CFAP46: variants seen among roughly 807,000 people sequenced by gnomAD.
CFAP46 encodes the protein cilia and flagella associated protein 46.
Under a neutral mutation model 325.7 loss-of-function variants are expected in CFAP46, and 245 were observed. That is an observed-to-expected ratio of 0.75 (90% CI 0.68 to 0.84). CFAP46 has a LOEUF of 0.84. Among genes scored for constraint, CFAP46 ranks in the 40% least tolerant of loss-of-function variants. The pLI, the probability that CFAP46 is intolerant of heterozygous loss-of-function variation, is 0.00. For synonymous variants in CFAP46, 1,523 were observed against 1,495.9 expected (o/e 1.02, Z -0.42); for missense variants, 3,346 against 3,543.0 (o/e 0.94, Z 1.41).
intron 41 of CFAP46, among the ~76,000 whole-genome samples, chr10:132,848,452 G>C (rs116383977): frequency 0.015 from 2,241 of 151,848 alleles, 49 homozygotes; most frequent in African/African-American, 0.05. Flanking sequence ...GGGCAGCAGA[G>C]AAGCCTTCGT....
chr10:132,899,480 G>A, intron 23 of CFAP46, 55 bp downstream of exon 23: 1 of 1,493,542 alleles, frequency 6.7e-7, no homozygotes, highest in Non-Finnish European at 8.9e-7. Flanking sequence ...GAGCACAGGG[G>A]TCCCGCACGG....
intron 17 of CFAP46, among the ~76,000 whole-genome samples, chr10:132,915,709 G>A (rs141763937): frequency 8.2e-4 from 125 of 152,358 alleles, no homozygotes; most frequent in African/African-American, 2.8e-3. Context: ...TGTGCTTGAC[G>A]CAGCTGCATT....
At chr10:132,922,004 C>T (rs374271916) in intron 13 of CFAP46, 100 bp downstream of exon 13, 29 of 1,375,684 alleles carry the variant, frequency 2.1e-5, no homozygotes, top group African/African-American at 7.3e-5. Context: ...ATCCAGGGGG[C>T]GGTGGCAGGG....
At chr10:132,904,044 A>G (rs557828752) in intron 22 of CFAP46, among the ~76,000 whole-genome samples, 4 of 152,408 alleles carry the variant, frequency 2.6e-5, no homozygotes, top group Admixed American at 1.3e-4. Flanking sequence ...CATTTTTGCT[A>G]TTAGTGTAAA....
chr10:132,857,719 G>A lies in CFAP46; in HGVS notation c.5445C>T (p.Ala1815=), dbSNP rs1458420659. The A allele has an allele frequency of 6.2e-7, 1 of 1,611,640 alleles. No homozygotes were observed. Among genetic ancestry groups the A allele is most frequent in the Admixed American group, 1.7e-5 (1 of 59,718 alleles). Residue 1815 remains alanine (A), a synonymous_variant, in exon 39 of 58, where the codon GCC becomes GCT. Coordinates refer to ENST00000368586, the MANE Select transcript of CFAP46 (RefSeq NM_001200049.3). ...CTTCTTCCTCAGCTACGGCACCCTG[G>A]GCCAGGCCATACGCTTCCAAGTAAT... ...TAYYLEAYGL[A]QGAVAEEEGR...
intron 35 of CFAP46, among the ~76,000 whole-genome samples, chr10:132,862,728 C>T (rs1205598532): frequency 6.6e-6 from 1 of 150,860 alleles, no homozygotes; most frequent in African/African-American, 2.4e-5. Context: ...GAGAGCCCCG[C>T]GGAGGAGAGA....
chr10:132,875,685 C>T (rs1055221953), intron 31 of CFAP46, among the ~76,000 whole-genome samples: 4 of 152,164 alleles, frequency 2.6e-5, no homozygotes, highest in Non-Finnish European at 4.4e-5. Flanking sequence ...ATGCTTGAGG[C>T]TTGACCCCTA....
intron 44 of CFAP46, among the ~76,000 whole-genome samples, chr10:132,842,295 T>G (rs1848358868): frequency 6.6e-6 from 1 of 152,226 alleles, no homozygotes. Context: ...CTTTGCTAAT[T>G]TATGACGAGG....
chr10:132,931,132 T>C (rs1406244918), intron 8 of CFAP46, among the ~76,000 whole-genome samples: 2 of 31,462 alleles, frequency 6.4e-5, no homozygotes, highest in Admixed American at 3.8e-4. Context: ...TTCCCCACAC[T>C]CCCCACGCAG....
chr10:132,886,414 C>T lies in CFAP46; in HGVS notation c.3305-455G>A, dbSNP rs1022892057. Among the ~76,000 whole-genome samples the T allele has an allele frequency of 6.6e-5, 10 of 152,342 alleles. No homozygotes were observed. In the East Asian group the frequency reaches 7.7e-4, roughly 12 times the overall value. Reference sequence around the variant, plus strand: ...CACGGGAACAATCCCCGAGTCTCCACGCAGGCAGCGGAGCCATGTGACACG... The same window carrying T: ...CACGGGAACAATCCCCGAGTCTCCATGCAGGCAGCGGAGCCATGTGACACG... On this transcript the variant is annotated intron_variant, in intron 25 of 57. Transcript: ENST00000368586. This position sits in a 1 kb window ranked among gnomAD's most constrained non-coding sequence, Gnocchi z 5.8.
chr10:132,882,749 G>A lies in CFAP46; in HGVS notation c.3628-1717C>T, dbSNP rs113996785. 2.7e-3 allele frequency among the ~76,000 whole-genome samples: 408 copies of A among 152,120 alleles called. 4 individuals are homozygous for A. Among genetic ancestry groups the A allele is most frequent in the African/African-American group, 9.2e-3 (383 of 41,460 alleles). On this transcript the variant is annotated intron_variant, in intron 27 of 57. Coordinates refer to ENST00000368586, the MANE Select transcript of CFAP46 (RefSeq NM_001200049.3). ...GAAGAGGTGGGAAGGGGAGGAGGAC[G>A]AGGAACCAGTGAGGTGGTGGGGCTT...
intron 25 of CFAP46, among the ~76,000 whole-genome samples, chr10:132,890,355 T>C (rs1396986591): frequency 6.6e-6 from 1 of 152,194 alleles, no homozygotes; most frequent in African/African-American, 2.4e-5. Context: ...TGCCGGGTTG[T>C]GGACAGAAAG....
chr10:132,812,941 G>C (rs1421176195), intron 54 of CFAP46, 44 bp from the exon 55 acceptor site: 1 of 1,492,526 alleles, frequency 6.7e-7, no homozygotes, highest in South Asian at 1.1e-5. Flanking sequence ...CCATGCACCT[G>C]TACCAGACCC....
chr10:132,918,519 C>T lies in CFAP46; in HGVS notation c.1860G>A (p.Gly620=). 2 of 1,512,138 alleles carry T rather than the reference C, an allele frequency of 1.3e-6. No individual in the cohort carries two copies. The highest frequency in any genetic ancestry group is 1.8e-6 in the Non-Finnish European group (2 of 1,122,266). 93.7% of individuals were successfully genotyped at this position (1,512,138 alleles called of 1,614,324 possible). A position where few individuals can be genotyped will look rare whatever the true frequency, so the allele number is the denominator to read the frequency against. ...VKVKKLRLRR[G]KKKRGRDGSV... ...AGCCGTCCCTACCTCGCTTCTTCTT[C>T]CCTGAGAGAAATGGCAGCAGGTAAG... Residue 620 remains glycine, a splice_region_variant and synonymous_variant, in exon 16 of 58, where the codon GGG becomes GGA. Coordinates refer to ENST00000368586, the MANE Select transcript of CFAP46 (RefSeq NM_001200049.3).
chr10:132,869,214 C>G lies in CFAP46; in HGVS notation c.4610+60G>C. ...AGGGTGGCCGCGCAGCTGGCTTTCACCTGGCCGCACCAAGGGCGAGACTCA... is the reference window on the plus strand; with the variant it reads ...AGGGTGGCCGCGCAGCTGGCTTTCAGCTGGCCGCACCAAGGGCGAGACTCA... On this transcript the variant is annotated intron_variant, in intron 33 of 57. Coordinates refer to ENST00000368586, the MANE Select transcript of CFAP46 (RefSeq NM_001200049.3). The surrounding 1 kb of genome is among the most constrained non-coding windows in gnomAD (Gnocchi z 6.2). 7.1e-7 allele frequency: 1 copy of G among 1,405,078 alleles called. No individual in the cohort carries two copies. The highest frequency in any genetic ancestry group is 2.7e-5 in the East Asian group (1 of 37,238). 87.0% of individuals were successfully genotyped at this position (1,405,078 alleles called of 1,614,324 possible). A position where few individuals can be genotyped will look rare whatever the true frequency, so the allele number is the denominator to read the frequency against.
chr10:132,862,318 G>A (rs1271453984), intron 35 of CFAP46, among the ~76,000 whole-genome samples: 3 of 152,158 alleles, frequency 2.0e-5, no homozygotes, highest in Non-Finnish European at 4.4e-5. Flanking sequence ...CAGCTACAGT[G>A]GGCCGGAGGC....
At chr10:132,859,804 A>T (rs1033516969) in intron 37 of CFAP46, among the ~76,000 whole-genome samples, 1 of 152,236 alleles carries the variant, frequency 6.6e-6, no homozygotes, top group African/African-American at 2.4e-5. Context: ...CAGCTCCTTG[A>T]AAAGGTCTGC....
At chr10:132,925,772 G>A (rs1159528762) in intron 10 of CFAP46, among the ~76,000 whole-genome samples, 1 of 152,248 alleles carries the variant, frequency 6.6e-6, no homozygotes, top group East Asian at 1.9e-4. Flanking sequence ...AGGCAGTGCG[G>A]GCTGAGGATG....
At chr10:132,897,533 T>G (rs947237865) in intron 24 of CFAP46, among the ~76,000 whole-genome samples, 1 of 152,264 alleles carries the variant, frequency 6.6e-6, no homozygotes, top group Non-Finnish European at 1.5e-5. Context: ...AGTAAAAATC[T>G]ACTCTGGTCT....
Sources: gnomAD v4.1 joint callset for allele counts (sites outside exome capture counted in the v4.1 genomes callset) on GRCh38, gnomAD v4.1.1 for gene constraint, Gnocchi (gnomAD v3.1) non-coding constraint, MANE v1.5 for transcripts, NCBI Gene and HGNC (gene_info 2026-07-23, HGNC 2026-07-21) for gene names.